Variants in MAGI3 observed in about 807,000 individuals in gnomAD.
MAGI3 encodes the protein membrane-associated guanylate kinase, WW and PDZ domain-containing protein 3.
In MAGI3, 43 loss-of-function variants were observed where a neutral mutation model predicts 121.8. The ratio of observed to expected loss-of-function variants is 0.35; its 90% confidence interval spans 0.28 to 0.46. The LOEUF is 0.46. Among genes scored for constraint, MAGI3 ranks in the 20% least tolerant of loss-of-function variants. The pLI is 1.00. For missense variants in MAGI3, 1,547 were observed against 1,797.3 expected, an observed-to-expected ratio of 0.86 and a Z score of 2.52; for synonymous variants, 553 against 639.3, an observed-to-expected ratio of 0.86 and a Z score of 2.04.
chr1:113,609,532 C>T (rs1031280250), intron 6 of MAGI3, among the ~76,000 whole-genome samples: 4 of 152,046 alleles, frequency 2.6e-5, no homozygotes, highest in Non-Finnish European at 4.4e-5. Context: ...ATTAGGAATT[C>T]GTTTTACCCT....
chr1:113,425,346 G>A (rs1371098788), intron 1 of MAGI3, among the ~76,000 whole-genome samples: 7 of 129,558 alleles, frequency 5.4e-5, no homozygotes, highest in Non-Finnish European at 1.1e-4. Context: ...GCAGTGGCGC[G>A]ATCTCAGCTC....
At chr1:113,487,786 T>C (rs895644395) in intron 1 of MAGI3, among the ~76,000 whole-genome samples, 3 of 152,082 alleles carry the variant, frequency 2.0e-5, no homozygotes, top group African/African-American at 7.2e-5. Flanking sequence ...GTGTGCATGC[T>C]TATATTTGAT....
At chr1:113,518,829 T>C (rs975829222) in intron 1 of MAGI3, among the ~76,000 whole-genome samples, 3 of 152,192 alleles carry the variant, frequency 2.0e-5, no homozygotes, top group Admixed American at 2.0e-4. Context: ...TGTTACTTAA[T>C]ATTTTGTATA....
chr1:113,478,243 A>G (rs1348757667), intron 1 of MAGI3, among the ~76,000 whole-genome samples: 1 of 152,192 alleles, frequency 6.6e-6, no homozygotes, highest in Non-Finnish European at 1.5e-5. Context: ...ACTTGTCAAA[A>G]TCATTCCCTG....
At chr1:113,681,974 G>A (rs1244671914) in intron 20 of MAGI3, among the ~76,000 whole-genome samples, 1 of 151,936 alleles carries the variant, frequency 6.6e-6, no homozygotes. Context: ...CCACACCCAC[G>A]CAGTACTTGC....
At chr1:113,544,863 C>T (rs1002712846) in intron 1 of MAGI3, among the ~76,000 whole-genome samples, 43 of 152,118 alleles carry the variant, frequency 2.8e-4, no homozygotes, top group Admixed American at 1.3e-3. Flanking sequence ...AATCCTTTTC[C>T]TATAGTAAAA....
At chr1:113,486,074 G>A (rs1448118219) in intron 1 of MAGI3, among the ~76,000 whole-genome samples, 2 of 152,188 alleles carry the variant, frequency 1.3e-5, no homozygotes, top group African/African-American at 4.8e-5. Flanking sequence ...TGGCCTTATA[G>A]TGTAGTTTGA....
intron 1 of MAGI3, among the ~76,000 whole-genome samples, chr1:113,512,130 G>C (rs920110446): frequency 2.6e-5 from 4 of 152,102 alleles, no homozygotes; most frequent in African/African-American, 9.7e-5. Flanking sequence ...CTTAGGGCAA[G>C]ACAAAATGGG....
chr1:113,595,344 T>C lies in MAGI3; in HGVS notation c.1018+784T>C, dbSNP rs1648934867. On this transcript the variant is annotated intron_variant, in intron 6 of 20. Coordinates refer to ENST00000307546, the MANE Select transcript of MAGI3 (RefSeq NM_001142782.2). ...AACAAATTGTTAAAAAGAGTAGAGT[T>C]TTGTAAATAAGTATAGAATTTATTC... Among the ~76,000 whole-genome samples the C allele has an allele frequency of 2.0e-5, 3 of 152,128 alleles. No homozygotes were observed. In the South Asian group the frequency reaches 6.2e-4, roughly 32 times the overall value.
At chr1:113,661,926 CAG>C (rs1653803658) in intron 16 of MAGI3, among the ~76,000 whole-genome samples, 1 of 152,086 alleles carries the variant, frequency 6.6e-6, no homozygotes, top group South Asian at 2.1e-4. Flanking sequence ...TAGGAAAAAA[CAG>C]AAAATCTTCC....
At chr1:113,582,518 T>C (rs1648102051) in intron 3 of MAGI3, among the ~76,000 whole-genome samples, 1 of 152,030 alleles carries the variant, frequency 6.6e-6, no homozygotes, top group South Asian at 2.1e-4. Context: ...TATATAAAGG[T>C]ATAAAATTGT....
intron 1 of MAGI3, among the ~76,000 whole-genome samples, chr1:113,452,655 A>G (rs1478512692): frequency 6.6e-6 from 1 of 151,796 alleles, no homozygotes; most frequent in Non-Finnish European, 1.5e-5. Context: ...TTATAGTGGG[A>G]AAAAACCCCA....
At chr1:113,642,847 G>T (rs905706299) in intron 10 of MAGI3, among the ~76,000 whole-genome samples, 2 of 152,106 alleles carry the variant, frequency 1.3e-5, no homozygotes, top group Non-Finnish European at 2.9e-5. Context: ...TTTCTCTGTT[G>T]ATGACAGTAA....
At chr1:113,599,252 A>C (rs1315527194) in intron 6 of MAGI3, among the ~76,000 whole-genome samples, 1 of 152,082 alleles carries the variant, frequency 6.6e-6, no homozygotes, top group African/African-American at 2.4e-5. Flanking sequence ...AGACACAAAA[A>C]ACCCTTCAAA....
intron 1 of MAGI3, among the ~76,000 whole-genome samples, chr1:113,538,760 A>G (rs1367473100): frequency 1.3e-5 from 2 of 152,244 alleles, no homozygotes; most frequent in Non-Finnish European, 2.9e-5. Flanking sequence ...TTTCAAACAT[A>G]GGTTTTAGTT....
intron 5 of MAGI3, among the ~76,000 whole-genome samples, chr1:113,593,065 T>G (rs557329780): frequency 6.6e-6 from 1 of 152,084 alleles, no homozygotes; most frequent in East Asian, 1.9e-4. Flanking sequence ...CCAGCTAGTA[T>G]TATACCTGGC....
intron 1 of MAGI3, among the ~76,000 whole-genome samples, chr1:113,521,008 C>G (rs1376617008): frequency 6.6e-6 from 1 of 151,992 alleles, no homozygotes; most frequent in Admixed American, 6.6e-5. Flanking sequence ...GTGCTGGAAC[C>G]TATTTAGGCT....
rs147165799 is a variant in MAGI3 at position 113,658,674 on chromosome 1, G to A, written c.2630-406G>A. 5.1e-3 allele frequency among the ~76,000 whole-genome samples: 782 copies of A among 152,254 alleles called. 4 individuals are homozygous for A. Among genetic ancestry groups the A allele is most frequent in the African/African-American group, 0.018 (739 of 41,554 alleles). ...TAACAGAAGCAAAGATAATCTTATCGTAGCAGTTTTTAAAATAGCTAAAAA... is the reference window on the plus strand; with the variant it reads ...TAACAGAAGCAAAGATAATCTTATCATAGCAGTTTTTAAAATAGCTAAAAA... On this transcript the variant is annotated intron_variant, in intron 15 of 20. Coordinates refer to ENST00000307546, the MANE Select transcript of MAGI3 (RefSeq NM_001142782.2). The surrounding 1 kb of genome is among the most constrained non-coding windows in gnomAD (Gnocchi z 4.0).
Position 113,422,595 on chromosome 1 carries a change from C to T in MAGI3, c.316+31246C>T, listed in dbSNP as rs1272047601. The stretch of plus-strand genomic sequence containing the variant: ...GCAGGGTGGCGGGGCAGGCAGCTCC[C>T]GGCGCTGGCACAGGCGCCTGCTCCG... On this transcript the variant is annotated intron_variant, in intron 1 of 20. Transcript: ENST00000307546. The surrounding 1 kb of genome is among the most constrained non-coding windows in gnomAD (Gnocchi z 4.3). Among the ~76,000 whole-genome samples, 2 of 152,352 alleles carry T rather than the reference C, an allele frequency of 1.3e-5. No homozygotes were observed. The highest frequency in any genetic ancestry group is 2.1e-4 in the South Asian group (1 of 4,828).
Sources: allele counts gnomAD v4.1 joint callset (sites outside exome capture counted in the v4.1 genomes callset), GRCh38; gene constraint gnomAD v4.1.1; non-coding constraint Gnocchi (gnomAD v3.1); transcripts MANE v1.5; gene names NCBI Gene and HGNC (gene_info 2026-07-23, HGNC 2026-07-21).